Variants in NBPF9 observed in about 807,000 individuals in gnomAD.
NBPF9 encodes the protein NBPF family member NBPF9.
Under a neutral mutation model 97.8 loss-of-function variants are expected in NBPF9, and 91 were observed. The ratio of observed to expected loss-of-function variants is 0.93; its 90% CI spans 0.79 to 1.11. The LOEUF (loss-of-function observed/expected upper bound fraction) is 1.11. Ranked by LOEUF, NBPF9 falls within the 50% of genes least tolerant of loss-of-function variation. NBPF9 has a pLI of 0.00. For missense variants in NBPF9, 992 were observed against 939.5 expected (o/e 1.06, Z -0.73); for synonymous variants, 334 against 359.5 (o/e 0.93, Z 0.80).
At chr1:149,095,744 AC>A (rs1481898894) in intron 4 of NBPF9, among the ~76,000 whole-genome samples, 2 of 152,122 alleles carry the variant, frequency 1.3e-5, no homozygotes, top group Admixed American at 1.3e-4. Context: ...GCACATTAAA[AC>A]AACGAGATAT....
At chr1:149,062,506 G>A (rs587689592) in intron 21 of NBPF9, among the ~76,000 whole-genome samples, 37 of 144,440 alleles carry the variant, frequency 2.6e-4, no homozygotes, top group Admixed American at 7.9e-4. Flanking sequence ...CGAATTGGCC[G>A]GGTGACACAC....
At position 149,102,863 on chromosome 1, in the gene NBPF9, G is replaced by A. The variant is rs1553245075; in HGVS notation, c.-842-16C>T. 1 of 149,202 alleles carries A rather than the reference G, an allele frequency of 6.7e-6. No homozygotes were observed. Among genetic ancestry groups the A allele is most frequent in the African/African-American group, 2.5e-5 (1 of 39,732 alleles). 9.2% of individuals were successfully genotyped at this position (149,202 alleles called of 1,614,324 possible). A position where few individuals can be genotyped will look rare whatever the true frequency, so the allele number is the denominator to read the frequency against. On this transcript the variant is annotated splice_polypyrimidine_tract_variant and intron_variant, in intron 1 of 29. Coordinates refer to ENST00000584027, the Ensembl canonical transcript of NBPF9. ...CATCACCAGCCTGGAGAAACCGCCAGGAGCAGAATCCCGGAGGCCAATAAA... is the reference window on the plus strand; with the variant it reads ...CATCACCAGCCTGGAGAAACCGCCAAGAGCAGAATCCCGGAGGCCAATAAA...
chr1:149,061,832 C>A (rs2078610396), intron 22 of NBPF9: 1 of 338,878 alleles, frequency 3.0e-6, no homozygotes. Flanking sequence ...TTTTTTACAT[C>A]TGCCTGGGTC....
In NBPF9 at chr1:149,073,675, G is replaced by A. The variant is rs1275897974; in HGVS notation, c.1091+93C>T. 53 of 919,322 alleles carry A rather than the reference G, an allele frequency of 5.8e-5. 1 individual carries two copies. Among genetic ancestry groups the A allele is most frequent in the Admixed American group, 5.5e-4 (31 of 56,584 alleles). The allele number at this position is 919,322 out of a possible 1,614,324, so 56.9% of individuals were successfully genotyped here. On this transcript the variant is annotated intron_variant, in intron 13 of 29. Coordinates refer to ENST00000584027, the Ensembl canonical transcript of NBPF9. ...CATGGCAATTCCTGCCCTTCCCCTG[G>A]CCCAGCTTAGCTCTTACGTCTCCCC...
intron 28 of NBPF9, 21 bp from the exon 29 acceptor site, chr1:149,056,641 G>A: frequency 9.5e-6 from 1 of 105,670 alleles, no homozygotes; most frequent in South Asian, 6.1e-5. Flanking sequence ...TTCAGACATG[G>A]ACAGACACAT....
chr1:149,098,045 G>A (rs1303242330), intron 4 of NBPF9, among the ~76,000 whole-genome samples: 4 of 152,114 alleles, frequency 2.6e-5, no homozygotes, highest in Admixed American at 6.5e-5. Flanking sequence ...TGGACAGGGA[G>A]GGGGTGAGCC....
chr1:149,098,627 A>G lies in NBPF9; in HGVS notation c.-526T>C. The G allele has an allele frequency of 5.4e-6, 6 of 1,114,716 alleles. No homozygotes were observed. The South Asian group carries it at 1.8e-4, about 33-fold the overall frequency. The allele number at this position is 1,114,716 out of a possible 1,614,324, so 69.1% of individuals were successfully genotyped here. A position where few individuals can be genotyped will look rare whatever the true frequency, so the allele number is the denominator to read the frequency against. Reference sequence around the variant, plus strand: ...GAAGCTCCAGGACACCCTCAGGAGGACGGTAAGGGACGGTAAGGTGAGAGC... The same window carrying G: ...GAAGCTCCAGGACACCCTCAGGAGGGCGGTAAGGGACGGTAAGGTGAGAGC... On this transcript the variant is annotated 5_prime_UTR_variant, in exon 4 of 30. Transcript: ENST00000584027.
In NBPF9 at chr1:149,074,410, G is replaced by T. The variant is rs587732427; in HGVS notation, c.989-540C>A. ...AAAATGTGACACATAAGACCATAAG[G>T]CCATGAAGGAAATATGCCCAAATGC... On this transcript the variant is annotated intron_variant, in intron 12 of 29. Coordinates refer to ENST00000584027, the Ensembl canonical transcript of NBPF9. Among the ~76,000 whole-genome samples the T allele has an allele frequency of 6.8e-4, 103 of 151,614 alleles. 2 individuals are homozygous for T. Among genetic ancestry groups the T allele is most frequent in the African/African-American group, 2.4e-3 (98 of 41,430 alleles).
At chr1:149,064,691 G>A in intron 18 of NBPF9, 2 of 613,152 alleles carry the variant, frequency 3.3e-6, no homozygotes, top group South Asian at 2.0e-5. Context: ...ATTCCCCTGT[G>A]TTGGAATGTT....
chr1:149,062,766 T>C lies in NBPF9; in HGVS notation c.2078+96A>G. On this transcript the variant is annotated intron_variant, in intron 21 of 29. Transcript: ENST00000584027. ...GGCAGTAGGAGTAATTCAACCTCCG[T>C]TGAAAACATGAAATTGAACACACTC... 3.9e-6 allele frequency: 3 copies of C among 774,418 alleles called. No individual in the cohort carries two copies. The South Asian group carries it at 4.0e-5, about 10-fold the overall frequency. The allele number at this position is 774,418 out of a possible 1,614,324, so 48.0% of individuals were successfully genotyped here.
intron 29 of NBPF9, 100 bp from the exon 30 acceptor site, chr1:149,055,999 A>C: frequency 7.5e-7 from 1 of 1,336,942 alleles, no homozygotes; most frequent in Non-Finnish European, 1.0e-6. Context: ...GTTAGAAAAG[A>C]AAAAGGATAG....
At chr1:149,071,802 TTTTATC>T in intron 14 of NBPF9, 126 bp from the exon 15 acceptor site, 1 of 653,690 alleles carries the variant, frequency 1.5e-6, no homozygotes, top group Non-Finnish European at 2.7e-6. Flanking sequence ...AACTCTCATG[TTTTATC>T]TTTAACAGAA....
At chr1:149,062,098 A>G (rs1553650119) in exon 22 of NBPF9, 4 of 1,214,542 alleles carry the variant, frequency 3.3e-6, no homozygotes, top group East Asian at 2.5e-5. Context: ...CTCACTGTCC[A>G]AGTCAAGAGC....
chr1:149,097,681 G>A (rs2081877633), intron 4 of NBPF9, among the ~76,000 whole-genome samples: 2 of 152,068 alleles, frequency 1.3e-5, no homozygotes, highest in African/African-American at 4.8e-5. Context: ...CCCTCTCAAT[G>A]CCTGCAGTGG....
intron 24 of NBPF9, 93 bp downstream of exon 24, chr1:149,060,430 C>T: frequency 2.8e-6 from 1 of 357,136 alleles, no homozygotes; most frequent in East Asian, 3.5e-5. Context: ...GCAATGACAT[C>T]TCTCAGCTCA....
intron 25 of NBPF9, 33 bp from the exon 26 acceptor site, chr1:149,059,130 A>T (rs1253203874): frequency 1.4e-5 from 6 of 415,482 alleles, no homozygotes; most frequent in Non-Finnish European, 2.2e-5. Flanking sequence ...AGAATAAGCC[A>T]GGGGGAATCA....
At position 149,082,929 on chromosome 1, in the gene NBPF9, G is replaced by A. The variant is rs1202975875; in HGVS notation, c.-194-499C>T. Among the ~76,000 whole-genome samples, 4 of 138,754 alleles carry A rather than the reference G, an allele frequency of 2.9e-5. No individual in the cohort carries two copies. In the South Asian group the frequency reaches 7.0e-4, roughly 24 times the overall value. 91.0% of individuals were successfully genotyped at this position (138,754 alleles called of 152,430 possible). On this transcript the variant is annotated intron_variant, in intron 5 of 29. Transcript: ENST00000584027. Reference sequence around the variant, plus strand: ...CAAGTAGCTGGGAATACAGGCGCCCGCCACCACGCCTGGCTAATTTTTCTT... The same window carrying A: ...CAAGTAGCTGGGAATACAGGCGCCCACCACCACGCCTGGCTAATTTTTCTT...
At chr1:149,070,205 T>C (rs1323753077) in intron 16 of NBPF9, among the ~76,000 whole-genome samples, 5,541 of 149,934 alleles carry the variant, frequency 0.037, 349 homozygotes, top group African/African-American at 0.13. Context: ...CCTGTGGTCC[T>C]AGCAACTCAG....
chr1:149,095,530 TCA>T (rs2081691166), intron 4 of NBPF9, among the ~76,000 whole-genome samples: 1 of 145,890 alleles, frequency 6.9e-6, no homozygotes, highest in Non-Finnish European at 1.5e-5. Context: ...AAAAAGCAAG[TCA>T]CAGACTGGGA....
Sources: gnomAD v4.1 joint callset for allele counts (sites outside exome capture counted in the v4.1 genomes callset) on GRCh38, gnomAD v4.1.1 for gene constraint, MANE v1.5 for transcripts, NCBI Gene and HGNC (gene_info 2026-07-23, HGNC 2026-07-21) for gene names.